The following THOP1 variants were observed in gnomAD, a reference collection of about 807,000 sequenced individuals.
The protein encoded by THOP1 is thimet oligopeptidase 1, also known as thimet oligopeptidase.
Under a neutral mutation model 71.8 loss-of-function variants are expected in THOP1, and 49 were observed. That is an observed-to-expected ratio of 0.68 (90% CI 0.54 to 0.87). The LOEUF is 0.87. THOP1 is among the 40% of genes least tolerant of loss of function. The pLI is 0.00. For missense variants in THOP1, 843 were observed against 975.6 expected (o/e 0.86, Z 1.81); for synonymous variants, 426 against 421.5 (o/e 1.01, Z -0.13).
At chr19:2,794,334 C>T (rs1160600456) in intron 2 of THOP1, among the ~76,000 whole-genome samples, 2 of 152,072 alleles carry the variant, frequency 1.3e-5, no homozygotes, top group East Asian at 3.9e-4. Flanking sequence ...GCTTTTCTAG[C>T]CACTGACACT....
At chr19:2,811,236 T>G (rs994157876) in intron 11 of THOP1, among the ~76,000 whole-genome samples, 1 of 152,246 alleles carries the variant, frequency 6.6e-6, no homozygotes, top group African/African-American at 2.4e-5. Flanking sequence ...TTTTGCTGGC[T>G]TAACACTCCA....
chr19:2,810,153 G>A (rs1916419114), intron 9 of THOP1, 151 bp from the exon 10 acceptor site: 1 of 1,017,032 alleles, frequency 9.8e-7, no homozygotes, highest in Non-Finnish European at 1.4e-6. Context: ...CCGGGTCCCG[G>A]TCGTTTTCCA....
At position 2,804,972 on chromosome 19, in the gene THOP1, G is replaced by A. The variant is rs746329650; in HGVS notation, c.590-44G>A. ...CCTCACACGCTGTGTGCAGGCTGTG[G>A]GCCCATCAGTCCTGTCAAAGCCACC... On this transcript the variant is annotated intron_variant, in intron 5 of 12. Coordinates refer to ENST00000307741, the MANE Select transcript of THOP1 (RefSeq NM_003249.5). The surrounding 1 kb of genome is among the most constrained non-coding windows in gnomAD (Gnocchi z 4.7). 2 of 1,582,354 alleles carry A rather than the reference G, an allele frequency of 1.3e-6. No homozygotes were observed. Among genetic ancestry groups the A allele is most frequent in the South Asian group, 2.3e-5 (2 of 86,488 alleles).
intron 12 of THOP1, among the ~76,000 whole-genome samples, chr19:2,812,556 G>A (rs1916504948): frequency 6.6e-6 from 1 of 152,216 alleles, no homozygotes; most frequent in South Asian, 2.1e-4. Context: ...CACCTCTGAG[G>A]ACCGGCCGGG....
chr19:2,810,236 C>G (rs373209827), intron 9 of THOP1, 68 bp from the exon 10 acceptor site: 20 of 1,544,874 alleles, frequency 1.3e-5, no homozygotes, highest in Non-Finnish European at 1.6e-5. Flanking sequence ...GCAGCTGACA[C>G]GGGCCAGGCC....
chr19:2,804,966 G>A lies in THOP1; in HGVS notation c.590-50G>A. 6.4e-7 allele frequency: 1 copy of A among 1,572,288 alleles called. No individual in the cohort carries two copies. The highest frequency in any genetic ancestry group is 8.6e-7 in the Non-Finnish European group (1 of 1,157,874). On this transcript the variant is annotated intron_variant, in intron 5 of 12. Transcript: ENST00000307741. This position sits in a 1 kb window ranked among gnomAD's most constrained non-coding sequence, Gnocchi z 4.7. The stretch of plus-strand genomic sequence containing the variant: ...CCCTTCCCTCACACGCTGTGTGCAG[G>A]CTGTGGGCCCATCAGTCCTGTCAAA...
chr19:2,793,689 C>CA (rs978321807), intron 2 of THOP1, among the ~76,000 whole-genome samples: 39 of 150,858 alleles, frequency 2.6e-4, no homozygotes, highest in South Asian at 6.3e-4. Flanking sequence ...CACTTCGTCT[C>CA]AAAAAAAAAC....
chr19:2,791,553 C>A, intron 2 of THOP1, among the ~76,000 whole-genome samples: 1 of 152,210 alleles, frequency 6.6e-6, no homozygotes, highest in East Asian at 1.9e-4. Flanking sequence ...TGATTGGAAT[C>A]CTGACCCTCT....
Position 2,813,115 on chromosome 19 carries a change from G to T in THOP1, c.1909G>T (p.Val637Phe). 6.2e-7 allele frequency: 1 copy of T among 1,608,568 alleles called. No individual in the cohort carries two copies. Among genetic ancestry groups the T allele is most frequent in the Non-Finnish European group, 8.5e-7 (1 of 1,177,700 alleles). ...FKQEGVLNSK[V>F]GMDYRSCILR... is the part of the protein sequence containing the mutation. Reference sequence around the variant, plus strand: ...CCACAGTGCCCTGTCTCCTCGGCAGGTTGGCATGGATTACAGAAGCTGCAT... The same window carrying T: ...CCACAGTGCCCTGTCTCCTCGGCAGTTTGGCATGGATTACAGAAGCTGCAT... Residue 637 changes from valine to phenylalanine, a missense_variant and splice_region_variant, in exon 13 of 13, where the codon GTT becomes TTT. By Grantham distance (50) the Val-to-Phe change is conservative (BLOSUM62 -1). Coordinates refer to ENST00000307741, the MANE Select transcript of THOP1 (RefSeq NM_003249.5).
Position 2,785,669 on chromosome 19 carries a change from C to A in THOP1, c.7C>A (p.Pro3Thr), listed in dbSNP as rs745649077. ...AGGCGCAGACCCACCCGCCATGAAG[C>A]CCCCCGCAGGTACCGACTACCCCGC... MK[P>T]PAACAGDMAD... Residue 3 changes from proline (P) to threonine (T), a missense_variant, in exon 1 of 13, where the codon CCC becomes ACC. Coordinates refer to ENST00000307741, the MANE Select transcript of THOP1 (RefSeq NM_003249.5). 6.7e-7 allele frequency: 1 copy of A among 1,500,066 alleles called. No individual in the cohort carries two copies. 92.9% of individuals were successfully genotyped at this position (1,500,066 alleles called of 1,614,324 possible). A position where few individuals can be genotyped will look rare whatever the true frequency, so the allele number is the denominator to read the frequency against.
intron 8 of THOP1, 65 bp from the exon 9 acceptor site, chr19:2,808,178 G>A: frequency 2.0e-6 from 3 of 1,504,992 alleles, no homozygotes; most frequent in East Asian, 5.0e-5. Flanking sequence ...GCTGAGGGAT[G>A]CGGAGTCAGG....
intron 11 of THOP1, 85 bp downstream of exon 11, chr19:2,810,853 T>C: frequency 1.3e-6 from 2 of 1,504,300 alleles, no homozygotes; most frequent in South Asian, 2.6e-5. Flanking sequence ...GTCCCCATGC[T>C]TCACTTAGCA....
intron 5 of THOP1, among the ~76,000 whole-genome samples, chr19:2,803,051 C>G (rs1045224508): frequency 4.6e-5 from 7 of 152,182 alleles, no homozygotes; most frequent in African/African-American, 1.7e-4. Flanking sequence ...GTACCGCAGG[C>G]TCGGCCTCTG....
At chr19:2,794,718 C>G (rs757490011) in intron 2 of THOP1, 46 bp from the exon 3 acceptor site, 5 of 1,583,274 alleles carry the variant, frequency 3.2e-6, no homozygotes, top group Non-Finnish European at 4.3e-6. Flanking sequence ...GCCAGTTGTA[C>G]TGGGGCCTGT....
intron 8 of THOP1, 160 bp downstream of exon 8, chr19:2,807,968 A>C (rs1916352040): frequency 1.1e-6 from 1 of 904,040 alleles, no homozygotes; most frequent in Admixed American, 3.2e-5. Flanking sequence ...CAGGGGCCGA[A>C]AATGCAGCTG....
chr19:2,802,848 G>A (rs188619376), intron 5 of THOP1, among the ~76,000 whole-genome samples: 1 of 152,348 alleles, frequency 6.6e-6, no homozygotes, highest in African/African-American at 2.4e-5. Context: ...TGAGGCTTCT[G>A]TCTTATTCCC....
At chr19:2,797,009 C>T (rs981928570) in intron 4 of THOP1, among the ~76,000 whole-genome samples, 1 of 152,192 alleles carries the variant, frequency 6.6e-6, no homozygotes, top group African/African-American at 2.4e-5. Context: ...GCAGTGGCGA[C>T]CGCCACTGGA....
At chr19:2,791,449 C>G (rs1915876606) in intron 2 of THOP1, among the ~76,000 whole-genome samples, 2 of 152,328 alleles carry the variant, frequency 1.3e-5, no homozygotes, top group South Asian at 4.1e-4. Context: ...TGGCCCATGC[C>G]ATGAGGCCTC....
chr19:2,810,156 GT>G, intron 9 of THOP1, 147 bp from the exon 10 acceptor site: 2 of 1,046,618 alleles, frequency 1.9e-6, no homozygotes, highest in Non-Finnish European at 2.7e-6. Flanking sequence ...GGTCCCGGTC[GT>G]TTTCCAGTTT....
Sources: allele counts gnomAD v4.1 joint callset (sites outside exome capture counted in the v4.1 genomes callset), GRCh38; gene constraint gnomAD v4.1.1; non-coding constraint Gnocchi (gnomAD v3.1); transcripts MANE v1.5; gene names NCBI Gene and HGNC (gene_info 2026-07-23, HGNC 2026-07-21).